The following TMEM132D variants were observed in gnomAD, a reference collection of about 807,000 sequenced individuals.
TMEM132D encodes transmembrane protein 132D.
Under a neutral mutation model 62.3 loss-of-function variants are expected in TMEM132D, and 21 were observed. The ratio of observed to expected loss-of-function variants is 0.34; its 90% CI spans 0.24 to 0.49. The LOEUF (loss-of-function observed/expected upper bound fraction) is 0.49. TMEM132D is among the 20% of genes least tolerant of loss of function. The pLI, the probability that TMEM132D is intolerant of heterozygous loss-of-function variation, is 0.99. For missense variants in TMEM132D, 1,346 were observed against 1,402.8 expected, an observed-to-expected ratio of 0.96 and a Z score of 0.65; for synonymous variants, 621 against 575.6, an observed-to-expected ratio of 1.08 and a Z score of -1.13.
chr12:129,816,718 T>C (rs1872356304), intron 1 of TMEM132D, among the ~76,000 whole-genome samples: 1 of 152,236 alleles, frequency 6.6e-6, no homozygotes, highest in Non-Finnish European at 1.5e-5. Flanking sequence ...AAGACGTGTG[T>C]CACGGACTTA....
Position 129,738,896 on chromosome 12 carries a change from A to AAGTATAATGATCCAGAAGG in TMEM132D, c.80-38217_80-38199dup, listed in dbSNP as rs1198406785. On this transcript the variant is annotated intron_variant, in intron 1 of 8. Transcript: ENST00000422113. ...TCTTCTACACGTACATTATACCCAGAAGTATAATGATCCAGAAGGAGTATA... is the reference window on the plus strand; with the variant it reads ...TCTTCTACACGTACATTATACCCAGAAGTATAATGATCCAGAAGGAGTATAATGATCCAGAAGGAGTATA... Among the ~76,000 whole-genome samples, 7 of 152,314 alleles carry AAGTATAATGATCCAGAAGG rather than the reference A, an allele frequency of 4.6e-5. No homozygotes were observed. The South Asian group carries it at 1.5e-3, about 32-fold the overall frequency.
Position 129,231,452 on chromosome 12 carries a change from A to G in TMEM132D, c.1300-21789T>C, listed in dbSNP as rs764128969. Among the ~76,000 whole-genome samples, 34 of 152,220 alleles carry G rather than the reference A, an allele frequency of 2.2e-4. 1 individual carries two copies. Among genetic ancestry groups the G allele is most frequent in the Admixed American group, 2.0e-4 (3 of 15,278 alleles). ...TTGTCCCATTCCTGAAGCTAGAGGTATAAAATGTGTTATATGTTTACAGCA... is the reference window on the plus strand; with the variant it reads ...TTGTCCCATTCCTGAAGCTAGAGGTGTAAAATGTGTTATATGTTTACAGCA... On this transcript the variant is annotated intron_variant, in intron 4 of 8. Transcript: ENST00000422113.
intron 1 of TMEM132D, among the ~76,000 whole-genome samples, chr12:129,714,958 C>T (rs139888514): frequency 0.01 from 1,594 of 152,282 alleles, 13 homozygotes; most frequent in Non-Finnish European, 0.015. Flanking sequence ...GCGTAAGCCG[C>T]TCCCCATCCT....
chr12:129,109,387 T>C (rs554673943), intron 5 of TMEM132D, among the ~76,000 whole-genome samples: 10 of 152,362 alleles, frequency 6.6e-5, no homozygotes, highest in East Asian at 1.9e-4. Flanking sequence ...ACCAACTTCA[T>C]TGGGTGGTCT....
intron 1 of TMEM132D, among the ~76,000 whole-genome samples, chr12:129,705,377 T>C (rs1160827717): frequency 6.6e-6 from 1 of 152,170 alleles, no homozygotes; most frequent in Non-Finnish European, 1.5e-5. Context: ...TAAAGAGTAA[T>C]TCTATAAGCA....
intron 2 of TMEM132D, among the ~76,000 whole-genome samples, chr12:129,582,501 G>A (rs1877898348): frequency 6.6e-6 from 1 of 152,210 alleles, no homozygotes; most frequent in African/African-American, 2.4e-5. Flanking sequence ...AGGGGGTGAT[G>A]AGCTCTGCCT....
At chr12:129,606,420 G>T (rs1288630200) in intron 2 of TMEM132D, among the ~76,000 whole-genome samples, 2 of 152,154 alleles carry the variant, frequency 1.3e-5, no homozygotes, top group African/African-American at 2.4e-5. Flanking sequence ...CGCAGCCCCG[G>T]AGCCACACAG....
intron 1 of TMEM132D, among the ~76,000 whole-genome samples, chr12:129,730,541 T>C (rs1268227556): frequency 6.6e-6 from 1 of 152,132 alleles, no homozygotes; most frequent in Admixed American, 6.5e-5. Context: ...TTATTCACTC[T>C]GCACACACTG....
At chr12:129,820,268 T>C (rs561398238) in intron 1 of TMEM132D, among the ~76,000 whole-genome samples, 7 of 152,278 alleles carry the variant, frequency 4.6e-5, no homozygotes, top group African/African-American at 1.7e-4. Context: ...CCACTCAATG[T>C]CTTTGCAAGG....
At chr12:129,832,884 C>A (rs1426040285) in intron 1 of TMEM132D, among the ~76,000 whole-genome samples, 1 of 152,214 alleles carries the variant, frequency 6.6e-6, no homozygotes, top group East Asian at 1.9e-4. Context: ...TCAGTTTCAA[C>A]CCCTTCAATC....
intron 5 of TMEM132D, among the ~76,000 whole-genome samples, chr12:129,148,075 T>G (rs1184989939): frequency 1.3e-5 from 2 of 152,166 alleles, no homozygotes; most frequent in Admixed American, 6.5e-5. Context: ...GCTACCATAA[T>G]AGTAATGGGC....
rs866785376 is a variant in TMEM132D, at chr12:129,700,123, G to A, written c.655C>T (p.Pro219Ser). ...TAGAGCTCCACGGGGGTCCCCTCCG[G>A]CTGGTCCACGGACTTCCTCCTCCCG... is the stretch of plus-strand genomic sequence containing the variant. ...VAGRRKSVDQPEGTPVELYYT... is the reference protein window; with the variant it reads ...VAGRRKSVDQSEGTPVELYYT... Residue 219 changes from proline (P) to serine (S), a missense_variant, in exon 2 of 9, where the codon CCG becomes TCG. By Grantham distance (74) the Pro-to-Ser change is moderately conservative (BLOSUM62 -1). Coordinates refer to ENST00000422113, the MANE Select transcript of TMEM132D (RefSeq NM_133448.3). 36 of 1,613,286 alleles carry A rather than the reference G, an allele frequency of 2.2e-5. No homozygotes were observed. The highest frequency in any genetic ancestry group is 2.1e-4 in the African/African-American group (16 of 75,018).
intron 2 of TMEM132D, among the ~76,000 whole-genome samples, chr12:129,567,503 T>C (rs1392571787): frequency 2.6e-5 from 4 of 152,156 alleles, no homozygotes; most frequent in African/African-American, 7.2e-5. Context: ...TCCAACTACA[T>C]ATATATATGA....
At chr12:129,891,502 C>G (rs1566021249) in intron 1 of TMEM132D, among the ~76,000 whole-genome samples, 1 of 152,214 alleles carries the variant, frequency 6.6e-6, no homozygotes, top group Non-Finnish European at 1.5e-5. Context: ...TTGCTAAGAG[C>G]ATCAGGTTCA....
chr12:129,841,836 T>C (rs1873201177), intron 1 of TMEM132D, among the ~76,000 whole-genome samples: 1 of 151,838 alleles, frequency 6.6e-6, no homozygotes, highest in Non-Finnish European at 1.5e-5. Context: ...AAAAATAAAA[T>C]TAATATATAA....
chr12:129,653,930 G>T (rs886079226), intron 2 of TMEM132D, among the ~76,000 whole-genome samples: 2 of 152,084 alleles, frequency 1.3e-5, no homozygotes, highest in East Asian at 1.9e-4. Flanking sequence ...CTCAACCAAG[G>T]TACCAGGTTA....
intron 3 of TMEM132D, among the ~76,000 whole-genome samples, chr12:129,463,452 ATTTAT>A (rs1873752193): frequency 9.7e-6 from 1 of 103,024 alleles, no homozygotes. Flanking sequence ...TTATTTATTT[ATTTAT>A]TTATTTATTT....
chr12:129,369,446 G>A (rs1237436513), intron 3 of TMEM132D, among the ~76,000 whole-genome samples: 1 of 152,106 alleles, frequency 6.6e-6, no homozygotes. Context: ...AAGTGGATTA[G>A]GTAGGAATCA....
In TMEM132D at chr12:129,686,407, T is replaced by C. The variant is rs145134398; in HGVS notation, c.968+13403A>G. ...TTTCCCCTTTGCTCAGCACTTCTCC[T>C]TCCAGCTTTCACATGAAGAAGGATG... On this transcript the variant is annotated intron_variant, in intron 2 of 8. Coordinates refer to ENST00000422113, the MANE Select transcript of TMEM132D (RefSeq NM_133448.3). 4.9e-3 allele frequency among the ~76,000 whole-genome samples: 746 copies of C among 152,270 alleles called. 8 individuals carry two copies. The highest frequency in any genetic ancestry group is 0.017 in the African/African-American group (705 of 41,558).
Sources: gnomAD v4.1 joint callset for allele counts (sites outside exome capture counted in the v4.1 genomes callset) on GRCh38, gnomAD v4.1.1 for gene constraint, MANE v1.5 for transcripts, NCBI Gene and HGNC (gene_info 2026-07-23, HGNC 2026-07-21) for gene names.